Variants in MACROD1 observed in about 807,000 individuals in gnomAD.
The protein encoded by MACROD1 is ADP-ribose glycohydrolase MACROD1.
In MACROD1, 31 loss-of-function variants were observed where a neutral mutation model predicts 41.4. The ratio of observed to expected loss-of-function variants is 0.75; its 90% CI spans 0.56 to 1.01. The LOEUF (loss-of-function observed/expected upper bound fraction) is 1.01. MACROD1 is among the 50% of genes least tolerant of loss of function. The pLI is 0.00. For synonymous variants in MACROD1, 252 were observed against 203.4 expected, an observed-to-expected ratio of 1.24 and a Z score of -2.03; for missense variants, 473 against 460.0, an observed-to-expected ratio of 1.03 and a Z score of -0.26.
intron 3 of MACROD1, among the ~76,000 whole-genome samples, chr11:64,119,899 C>T (rs983883161): frequency 2.6e-5 from 4 of 151,088 alleles, no homozygotes; most frequent in Admixed American, 6.6e-5. Flanking sequence ...CCTGGGGTTC[C>T]GACGTGCCTG....
At chr11:63,999,191 G>A in intron 8 of MACROD1, 140 bp downstream of exon 8, 1 of 1,357,290 alleles carries the variant, frequency 7.4e-7, no homozygotes, top group Non-Finnish European at 1.0e-6. Context: ...GCCACCGCCA[G>A]GCGCCCTTGC....
At chr11:64,128,049 T>C (rs1403253388) in intron 3 of MACROD1, among the ~76,000 whole-genome samples, 1 of 152,234 alleles carries the variant, frequency 6.6e-6, no homozygotes, top group Non-Finnish European at 1.5e-5. Flanking sequence ...GCAAAGTTAA[T>C]TCTCAGTGGC....
In MACROD1 at chr11:64,033,218, C is replaced by A. The variant is rs565509870; in HGVS notation, c.518-17937G>T. Among the ~76,000 whole-genome samples, 80 of 152,266 alleles carry A rather than the reference C, an allele frequency of 5.3e-4. 1 individual carries two copies. In the South Asian group the frequency reaches 0.016, roughly 31 times the overall value. On this transcript the variant is annotated intron_variant, in intron 3 of 10. Coordinates refer to ENST00000255681, the MANE Select transcript of MACROD1 (RefSeq NM_014067.4). The stretch of plus-strand genomic sequence containing the variant: ...TGCTGGAATTTCAGCTTTGCCAGGG[C>A]GAGATCCAGCAGGGCCCGATTCACT...
At chr11:64,097,272 G>A (rs1259514219) in intron 3 of MACROD1, among the ~76,000 whole-genome samples, 1 of 152,224 alleles carries the variant, frequency 6.6e-6, no homozygotes. Flanking sequence ...AGGTGGCTAC[G>A]GTCTGCGCCC....
At chr11:63,999,280 G>C (rs2134315375) in intron 8 of MACROD1, 51 bp downstream of exon 8, 1 of 1,531,914 alleles carries the variant, frequency 6.5e-7, no homozygotes, top group East Asian at 2.4e-5. Context: ...ATGGGGGCTG[G>C]TCACTCTGGC....
intron 3 of MACROD1, among the ~76,000 whole-genome samples, chr11:64,098,022 C>CCTCA (rs1275616962): frequency 6.6e-6 from 1 of 152,164 alleles, no homozygotes; most frequent in Non-Finnish European, 1.5e-5. Flanking sequence ...CCCTTCAACC[C>CCTCA]CTCACTGTAT....
At chr11:64,135,092 G>T (rs1303777170) in intron 3 of MACROD1, among the ~76,000 whole-genome samples, 1 of 152,248 alleles carries the variant, frequency 6.6e-6, no homozygotes, top group Non-Finnish European at 1.5e-5. Flanking sequence ...GTAAAACCCA[G>T]AGGGCTTATT....
chr11:64,115,956 C>T (rs1184324933), intron 3 of MACROD1, among the ~76,000 whole-genome samples: 4 of 152,202 alleles, frequency 2.6e-5, no homozygotes, highest in Non-Finnish European at 5.9e-5. Flanking sequence ...CGCGGCAGCA[C>T]GGGTCTCATT....
intron 4 of MACROD1, among the ~76,000 whole-genome samples, chr11:64,000,677 A>T (rs1443223816): frequency 6.7e-6 from 1 of 148,730 alleles, no homozygotes; most frequent in South Asian, 2.1e-4. Context: ...CCGGGACAGG[A>T]ACCGCCGCCC....
chr11:64,054,045 C>G (rs754348401), intron 3 of MACROD1, among the ~76,000 whole-genome samples: 2 of 152,156 alleles, frequency 1.3e-5, no homozygotes, highest in Non-Finnish European at 2.9e-5. Context: ...GAGGCCCTGG[C>G]CCTGGTGGCA....
Position 64,044,003 on chromosome 11 carries a change from C to T in MACROD1, c.518-28722G>A, listed in dbSNP as rs556959260. ...TAATTTTTCATATTTTTAGTAGAGA[C>T]GGGGATTCACCATGTTAGGCAGGAT... On this transcript the variant is annotated intron_variant, in intron 3 of 10. Coordinates refer to ENST00000255681, the MANE Select transcript of MACROD1 (RefSeq NM_014067.4). 3.9e-5 allele frequency among the ~76,000 whole-genome samples: 6 copies of T among 152,048 alleles called. No homozygotes were observed. In the East Asian group the frequency reaches 5.8e-4, roughly 15 times the overall value.
intron 3 of MACROD1, among the ~76,000 whole-genome samples, chr11:64,028,590 C>CT (rs1377769581): frequency 1.3e-5 from 2 of 152,228 alleles, no homozygotes; most frequent in Non-Finnish European, 2.9e-5. Context: ...CTGCTCAGCT[C>CT]TTTAAGAATC....
In MACROD1 at chr11:64,065,848, C is replaced by CA. The variant is rs527384249; in HGVS notation, c.518-50568dup. On this transcript the variant is annotated intron_variant, in intron 3 of 10. Coordinates refer to ENST00000255681, the MANE Select transcript of MACROD1 (RefSeq NM_014067.4). Reference sequence around the variant, plus strand: ...GACTCCCCCTCTCTCCATGCACAGGCAGGCAGGTGGGAGATCGCAACAACC... The same window carrying CA: ...GACTCCCCCTCTCTCCATGCACAGGCAAGGCAGGTGGGAGATCGCAACAACC... 5.9e-4 allele frequency among the ~76,000 whole-genome samples: 89 copies of CA among 151,196 alleles called. 1 individual carries two copies. Among genetic ancestry groups the CA allele is most frequent in the Non-Finnish European group, 1.2e-3 (81 of 67,866 alleles).
At chr11:64,125,975 G>A (rs933493556) in intron 3 of MACROD1, among the ~76,000 whole-genome samples, 8 of 152,212 alleles carry the variant, frequency 5.3e-5, no homozygotes, top group African/African-American at 1.9e-4. Context: ...ATGCGGGGCC[G>A]CCACCAGTTC....
intron 3 of MACROD1, among the ~76,000 whole-genome samples, chr11:64,016,745 G>A (rs1183259773): frequency 1.3e-5 from 2 of 152,208 alleles, no homozygotes; most frequent in African/African-American, 4.8e-5. Flanking sequence ...GCGGCTGGGC[G>A]CTCCCAAAGC....
chr11:64,044,487 G>A (rs761992963), intron 3 of MACROD1, among the ~76,000 whole-genome samples: 1 of 152,038 alleles, frequency 6.6e-6, no homozygotes, highest in Non-Finnish European at 1.5e-5. Context: ...GGCCTCAAGC[G>A]ATCCTCCCGC....
At chr11:64,148,036 G>C (rs565842041) in intron 3 of MACROD1, among the ~76,000 whole-genome samples, 1 of 152,008 alleles carries the variant, frequency 6.6e-6, no homozygotes, top group African/African-American at 2.4e-5. Flanking sequence ...ACTACGTCCC[G>C]CCCAGGGTCC....
chr11:64,061,036 T>C (rs2134437657), intron 3 of MACROD1, among the ~76,000 whole-genome samples: 1 of 152,126 alleles, frequency 6.6e-6, no homozygotes, highest in South Asian at 2.1e-4. Context: ...GGCCTCCTCC[T>C]CCCTTGTCTT....
At chr11:64,002,292 G>T (rs758978612) in intron 4 of MACROD1, among the ~76,000 whole-genome samples, 1 of 152,204 alleles carries the variant, frequency 6.6e-6, no homozygotes, top group African/African-American at 2.4e-5. Flanking sequence ...GTGGGGGCCC[G>T]TGCGGGGAAG....
Sources: allele counts gnomAD v4.1 joint callset (sites outside exome capture counted in the v4.1 genomes callset), GRCh38; gene constraint gnomAD v4.1.1; transcripts MANE v1.5; gene names NCBI Gene and HGNC (gene_info 2026-07-23, HGNC 2026-07-21).